AKT3: variants seen among roughly 807,000 people sequenced by gnomAD.
AKT3 encodes RAC-gamma serine/threonine-protein kinase.
A neutral mutation model predicts 65.3 loss-of-function variants in AKT3; 15 were observed. The ratio of observed to expected loss-of-function variants is 0.23; its 90% CI spans 0.15 to 0.35. AKT3 has a LOEUF of 0.35. Among genes scored for constraint, AKT3 ranks in the 10% least tolerant of loss-of-function variants. AKT3 has a pLI of 1.00. For missense variants in AKT3, 243 were observed against 576.5 expected (o/e 0.42, Z 5.92); for synonymous variants, 206 against 183.8 (o/e 1.12, Z -0.98).
chr1:243,734,070 A>C (rs1466113844), intron 2 of AKT3, among the ~76,000 whole-genome samples: 1 of 152,302 alleles, frequency 6.6e-6, no homozygotes, highest in East Asian at 1.9e-4. Flanking sequence ...CTTAAATCCA[A>C]TCCAATGATA....
chr1:243,624,546 C>T (rs1468739689), intron 6 of AKT3: 1 of 152,574 alleles, frequency 6.6e-6, no homozygotes, highest in Non-Finnish European at 1.5e-5. Context: ...CATTTTCCAC[C>T]TCCACACCAA....
intron 13 of AKT3, among the ~76,000 whole-genome samples, chr1:243,492,610 T>TTG (rs1558548623): frequency 7.1e-6 from 1 of 140,318 alleles, no homozygotes; most frequent in African/African-American, 2.7e-5. Context: ...AGCTGTTTTT[T>TTG]TTTTTTTTTT....
chr1:243,690,432 T>C (rs530989773), intron 3 of AKT3, among the ~76,000 whole-genome samples: 1 of 152,352 alleles, frequency 6.6e-6, no homozygotes, highest in Non-Finnish European at 1.5e-5. Context: ...GTTTCTTGTA[T>C]ATATCTCAAT....
intron 2 of AKT3, chr1:243,808,207 A>C (rs1463189295): frequency 6.6e-6 from 1 of 152,236 alleles, no homozygotes; most frequent in Non-Finnish European, 1.5e-5. Context: ...TGAGAGCAGA[A>C]GGCTTCAGAC....
In AKT3 at chr1:243,527,562, A is replaced by C. The variant is rs538256919; in HGVS notation, c.1252-15136T>G. 1.2e-4 allele frequency among the ~76,000 whole-genome samples: 19 copies of C among 152,254 alleles called. No homozygotes were observed. In the South Asian group the frequency reaches 3.7e-3, roughly 30 times the overall value. ...CATAAAATTGGGCTTTGGGATTTTC[A>C]ACCTCAGCTGGGCCCTCCAGCAATC... is the stretch of plus-strand genomic sequence containing the variant. On this transcript the variant is annotated intron_variant, in intron 12 of 13. Coordinates refer to ENST00000673466, the MANE Select transcript of AKT3 (RefSeq NM_005465.7).
intron 2 of AKT3, among the ~76,000 whole-genome samples, chr1:243,742,612 G>A (rs1381707851): frequency 5.3e-5 from 8 of 152,120 alleles, no homozygotes; most frequent in South Asian, 2.1e-4. Context: ...GCGACAGAGC[G>A]AGACTCCATC....
intron 8 of AKT3, among the ~76,000 whole-genome samples, chr1:243,578,124 T>C (rs1040940704): frequency 1.3e-5 from 2 of 152,136 alleles, no homozygotes; most frequent in African/African-American, 4.8e-5. Flanking sequence ...AAGACAAGTG[T>C]GGCAATTGCT....
At chr1:243,809,680 G>A (rs1418075559) in intron 2 of AKT3, among the ~76,000 whole-genome samples, 1 of 152,158 alleles carries the variant, frequency 6.6e-6, no homozygotes, top group Non-Finnish European at 1.5e-5. Flanking sequence ...GCACCAAGCA[G>A]ACCTAATAGA....
chr1:243,838,590 T>C (rs1485521713), intron 2 of AKT3, among the ~76,000 whole-genome samples: 2 of 152,174 alleles, frequency 1.3e-5, no homozygotes, highest in Admixed American at 1.3e-4. Flanking sequence ...AACAACTTGT[T>C]AAATTTGACT....
intron 2 of AKT3, among the ~76,000 whole-genome samples, chr1:243,719,433 TC>T (rs2148108149): frequency 6.6e-6 from 1 of 152,328 alleles, no homozygotes; most frequent in South Asian, 2.1e-4. Context: ...AATTTCTCAC[TC>T]CTCAGTTCAA....
At chr1:243,519,169 AATG>A (rs771163487) in intron 12 of AKT3, among the ~76,000 whole-genome samples, 62 of 152,348 alleles carry the variant, frequency 4.1e-4, no homozygotes, top group Non-Finnish European at 7.5e-4. Flanking sequence ...CAAAAGGACC[AATG>A]ATTAACAGCA....
intron 12 of AKT3, among the ~76,000 whole-genome samples, chr1:243,520,486 C>T (rs1349301236): frequency 6.6e-6 from 1 of 152,226 alleles, no homozygotes; most frequent in Non-Finnish European, 1.5e-5. Flanking sequence ...TTCATCTCTT[C>T]TTTTCCTCTA....
chr1:243,841,536 A>C (rs770094705), intron 2 of AKT3, among the ~76,000 whole-genome samples: 5 of 152,234 alleles, frequency 3.3e-5, no homozygotes, highest in African/African-American at 4.8e-5. Context: ...TTATAACAGG[A>C]GAATGACATT....
intron 2 of AKT3, among the ~76,000 whole-genome samples, chr1:243,788,232 A>G (rs1691388652): frequency 2.0e-5 from 3 of 152,238 alleles, no homozygotes. Context: ...GACATCTAAC[A>G]TGGAACAAAA....
intron 2 of AKT3, among the ~76,000 whole-genome samples, chr1:243,778,985 A>G (rs1422350027): frequency 2.6e-5 from 4 of 151,240 alleles, no homozygotes; most frequent in Non-Finnish European, 5.9e-5. Flanking sequence ...GTAATATTCC[A>G]TTGTATTGCT....
intron 2 of AKT3, among the ~76,000 whole-genome samples, chr1:243,720,828 T>C (rs1246242600): frequency 3.3e-5 from 5 of 152,192 alleles, no homozygotes; most frequent in Admixed American, 3.3e-4. Flanking sequence ...AAGCTCACGG[T>C]ATATACTCTT....
At chr1:243,620,761 G>T (rs1039107195) in intron 6 of AKT3, among the ~76,000 whole-genome samples, 10 of 151,932 alleles carry the variant, frequency 6.6e-5, no homozygotes, top group South Asian at 2.1e-4. Flanking sequence ...ACATTATTGC[G>T]CCTTTCTCGA....
At chr1:243,642,855 A>G (rs1226922085) in intron 5 of AKT3, among the ~76,000 whole-genome samples, 2 of 152,248 alleles carry the variant, frequency 1.3e-5, no homozygotes, top group Admixed American at 6.5e-5. Flanking sequence ...GATTAAAAAT[A>G]AACATATAAT....
chr1:243,666,043 AC>A (rs1042377741), intron 3 of AKT3, among the ~76,000 whole-genome samples: 9 of 152,096 alleles, frequency 5.9e-5, no homozygotes, highest in African/African-American at 2.2e-4. Flanking sequence ...TCGCTCTGTC[AC>A]CCAGGCTGGA....
Sources: allele counts gnomAD v4.1 joint callset (sites outside exome capture counted in the v4.1 genomes callset), GRCh38; gene constraint gnomAD v4.1.1; transcripts MANE v1.5; gene names NCBI Gene and HGNC (gene_info 2026-07-23, HGNC 2026-07-21).